Variants in SCHIP1 observed in about 807,000 individuals in gnomAD.
The protein encoded by SCHIP1 is schwannomin interacting protein 1, also known as schwannomin-interacting protein 1.
SCHIP1 carries 8 observed loss-of-function variants against 29.7 expected under a neutral mutation model. That is an observed-to-expected ratio of 0.27 (90% CI 0.16 to 0.49). The LOEUF (loss-of-function observed/expected upper bound fraction) is 0.49. Among genes scored for constraint, SCHIP1 ranks in the 20% least tolerant of loss-of-function variants. SCHIP1 has a pLI of 0.99. For synonymous variants in SCHIP1, 76 were observed against 94.9 expected, an observed-to-expected ratio of 0.80 and a Z score of 1.16; for missense variants, 193 against 294.6, an observed-to-expected ratio of 0.66 and a Z score of 2.52.
At chr3:159,584,856 C>T in the SCHIP1 span, among the ~76,000 whole-genome samples, 32 of 152,102 alleles carry the variant, frequency 2.1e-4, no homozygotes, top group African/African-American at 7.7e-4. Context: ...CATCCCCTAC[C>T]ACTCCCTGTC....
Position 159,885,525 on chromosome 3 carries a change from C to T in SCHIP1, c.150-682C>T, listed in dbSNP as rs1716876257. Among the ~76,000 whole-genome samples, 2 of 152,296 alleles carry T rather than the reference C, an allele frequency of 1.3e-5. 1 individual carries two copies. The highest frequency in any genetic ancestry group is 3.9e-4 in the East Asian group (2 of 5,190). ...GATTCACCACACATATAATGGCTTC[C>T]CAAAGGTCTCTGTCCCTGAGGTTCT... On this transcript the variant is annotated intron_variant, in intron 2 of 6. Transcript: ENST00000445224.
At chr3:159,817,131 T>C in the SCHIP1 span, among the ~76,000 whole-genome samples, 1 of 152,134 alleles carries the variant, frequency 6.6e-6, no homozygotes, top group Admixed American at 6.5e-5. Flanking sequence ...TTAATAAATA[T>C]GCGTGGATTA....
the SCHIP1 span, among the ~76,000 whole-genome samples, chr3:159,616,761 G>A: frequency 5.9e-5 from 9 of 152,014 alleles, no homozygotes; most frequent in African/African-American, 2.2e-4. Flanking sequence ...TTGCAAGTTG[G>A]TTGAGGCTCT....
the SCHIP1 span, among the ~76,000 whole-genome samples, chr3:159,378,372 GA>G: frequency 6.6e-6 from 1 of 152,154 alleles, no homozygotes; most frequent in Non-Finnish European, 1.5e-5. Context: ...GTGTGTTGTT[GA>G]TTTTTAAAGG....
the SCHIP1 span, among the ~76,000 whole-genome samples, chr3:159,586,895 A>G: frequency 6.6e-6 from 1 of 152,192 alleles, no homozygotes; most frequent in Admixed American, 6.6e-5. Flanking sequence ...GGCAATTAGG[A>G]AATTTACTTG....
chr3:159,300,113 C>CTTTTTTTTTT, the SCHIP1 span, among the ~76,000 whole-genome samples: 306 of 45,382 alleles, frequency 6.7e-3, 73 homozygotes, highest in African/African-American at 0.011. Context: ...GGGAAAGCTG[C>CTTTTTTTTTT]TTTTTTTTTT....
the SCHIP1 span, among the ~76,000 whole-genome samples, chr3:159,284,677 AGT>A: frequency 2.8e-4 from 43 of 151,664 alleles, no homozygotes; most frequent in African/African-American, 9.7e-4. Flanking sequence ...TTTTTTCTTT[AGT>A]AGAGATTGGG....
the SCHIP1 span, among the ~76,000 whole-genome samples, chr3:159,705,700 TTTTG>T: frequency 1.5e-4 from 23 of 151,648 alleles, no homozygotes; most frequent in African/African-American, 5.1e-4. Flanking sequence ...AGGATATGAC[TTTTG>T]TTTGTTTGTT....
the SCHIP1 span, among the ~76,000 whole-genome samples, chr3:159,730,436 G>A: frequency 0.16 from 24,431 of 152,192 alleles, 2,117 homozygotes; most frequent in Middle Eastern, 0.24. Context: ...GGTACATGAT[G>A]AGCAATCAAT....
At chr3:159,347,502 C>T in the SCHIP1 span, among the ~76,000 whole-genome samples, 4 of 152,058 alleles carry the variant, frequency 2.6e-5, no homozygotes, top group African/African-American at 9.7e-5. Flanking sequence ...ATAAGGGCTA[C>T]GAAAATATTT....
chr3:159,812,325 A>C, the SCHIP1 span, among the ~76,000 whole-genome samples: 1 of 152,026 alleles, frequency 6.6e-6, no homozygotes, highest in Admixed American at 6.5e-5. Context: ...TTTTCAAGTC[A>C]CTGTTATATG....
the SCHIP1 span, among the ~76,000 whole-genome samples, chr3:159,320,306 C>A: frequency 3.3e-5 from 5 of 152,174 alleles, no homozygotes; most frequent in Non-Finnish European, 7.3e-5. Context: ...GCCCCTTTCA[C>A]CATGTGAGGA....
intron 6 of SCHIP1, 139 bp downstream of exon 7, chr3:159,892,329 T>G: frequency 3.2e-6 from 3 of 927,796 alleles, no homozygotes; most frequent in Non-Finnish European, 5.0e-6. Flanking sequence ...GTGCCAGCTG[T>G]TCAGATGGAG....
At chr3:159,817,719 G>A in the SCHIP1 span, among the ~76,000 whole-genome samples, 1 of 152,294 alleles carries the variant, frequency 6.6e-6, no homozygotes, top group Middle Eastern at 3.4e-3. Flanking sequence ...CAACAGAGAA[G>A]GAATGGAGTG....
At chr3:159,318,321 A>G in the SCHIP1 span, among the ~76,000 whole-genome samples, 4 of 152,142 alleles carry the variant, frequency 2.6e-5, no homozygotes, top group East Asian at 1.9e-4. Context: ...TCTGTCACCA[A>G]TTTTCCAACC....
the SCHIP1 span, among the ~76,000 whole-genome samples, chr3:159,523,984 C>T: frequency 4.0e-3 from 609 of 152,304 alleles, 1 homozygote; most frequent in Non-Finnish European, 6.9e-3. Context: ...GTGATTATTT[C>T]CAGCCCCCAC....
At chr3:159,356,738 C>G in the SCHIP1 span, among the ~76,000 whole-genome samples, 1 of 152,144 alleles carries the variant, frequency 6.6e-6, no homozygotes, top group Non-Finnish European at 1.5e-5. Context: ...GTAGTTTAGG[C>G]CCTGGGAGGT....
At chr3:159,690,680 G>A in the SCHIP1 span, among the ~76,000 whole-genome samples, 1 of 152,094 alleles carries the variant, frequency 6.6e-6, no homozygotes, top group Admixed American at 6.6e-5. Context: ...TCATTTAATT[G>A]TGATGTTAGG....
chr3:159,275,166 T>C, the SCHIP1 span: 1 of 687,492 alleles, frequency 1.5e-6, no homozygotes, highest in African/African-American at 1.9e-5. Flanking sequence ...ATAATTTCCA[T>C]AATTGATGTC....
Sources: gnomAD v4.1 joint callset for allele counts (sites outside exome capture counted in the v4.1 genomes callset) on GRCh38, gnomAD v4.1.1 for gene constraint, MANE v1.5 for transcripts, NCBI Gene and HGNC (gene_info 2026-07-23, HGNC 2026-07-21) for gene names.